The following ZNF528 variants were observed in gnomAD, a reference collection of about 807,000 sequenced individuals.
The protein encoded by ZNF528 is zinc finger protein 528.
In ZNF528, 9 loss-of-function variants were observed where a neutral mutation model predicts 13.3. The observed-to-expected ratio is 0.67, with a 90% confidence interval of 0.41 to 1.18. The LOEUF (loss-of-function observed/expected upper bound fraction) is 1.18, where lower values mean the gene tolerates loss of function less well. ZNF528 is among the 50% of genes most tolerant of loss of function. The pLI, the probability that ZNF528 is intolerant of heterozygous loss-of-function variation, is 0.01. For synonymous variants in ZNF528, 264 were observed against 254.3 expected, an observed-to-expected ratio of 1.04 and a Z score of -0.36; for missense variants, 858 against 745.4, an observed-to-expected ratio of 1.15 and a Z score of -1.76.
Position 52,398,478 on chromosome 19 carries a change from C to T in ZNF528, c.-278C>T, listed in dbSNP as rs1599806505. On this transcript the variant is annotated 5_prime_UTR_variant, in exon 2 of 7. Transcript: ENST00000360465. Reference sequence around the variant, plus strand: ...GTTTCCAGCCCACAGAAAATGAGCTCTTCCGGAAGTGGGCATCTTATTCCA... The same window carrying T: ...GTTTCCAGCCCACAGAAAATGAGCTTTTCCGGAAGTGGGCATCTTATTCCA... The T allele has an allele frequency of 1.4e-6, 1 of 717,424 alleles. No individual in the cohort carries two copies. Among genetic ancestry groups the T allele is most frequent in the Non-Finnish European group, 1.7e-6 (1 of 584,822 alleles). The allele number at this position is 717,424 out of a possible 1,614,324, so 44.4% of individuals were successfully genotyped here.
intron 4 of ZNF528, among the ~76,000 whole-genome samples, chr19:52,404,022 A>G (rs970512833): frequency 2.0e-5 from 3 of 152,086 alleles, no homozygotes; most frequent in African/African-American, 7.2e-5. Flanking sequence ...ACTTGTTTTA[A>G]GTTTACTGAA....
At position 52,406,029 on chromosome 19, in the gene ZNF528, C is replaced by T; in HGVS notation, c.138C>T (p.Ser46=). 1 of 1,609,670 alleles carries T rather than the reference C, an allele frequency of 6.2e-7. No individual in the cohort carries two copies. The highest frequency in any genetic ancestry group is 1.3e-5 in the African/African-American group (1 of 74,886). The change falls in exon 5 of 7, where the codon TCC becomes TCT. Residue 46 remains serine, a synonymous_variant. Coordinates refer to ENST00000360465, the MANE Select transcript of ZNF528 (RefSeq NM_032423.3). ...TGGAGAATTATAGGAACCTGGTCTCCCTGGGTGAGGATAATGTCCCCTCAG... is the reference window on the plus strand; with the variant it reads ...TGGAGAATTATAGGAACCTGGTCTCTCTGGGTGAGGATAATGTCCCCTCAG... ...VMLENYRNLV[S]LGICLPDLSV...
intron 6 of ZNF528, among the ~76,000 whole-genome samples, chr19:52,409,670 A>T (rs2058904753): frequency 1.3e-5 from 2 of 150,270 alleles, no homozygotes; most frequent in Non-Finnish European, 3.0e-5. Context: ...TTTTTATTTT[A>T]GGTTTGCTAA....
chr19:52,415,624 C>T lies in ZNF528; in HGVS notation c.772C>T (p.Gln258Ter), dbSNP rs753112287. The change falls in exon 7 of 7, where the codon CAA becomes TAA. Residue 258 changes from glutamine (Q) to a stop codon, truncating the protein, a stop_gained. Coordinates refer to ENST00000360465, the MANE Select transcript of ZNF528 (RefSeq NM_032423.3). LOFTEE classifies it low-confidence loss of function (END_TRUNC). ...KLFSSNSNLS[Q>*]HQRIHTGEKP... ...CTTCAGTAGCAATTCAAACCTTTCA[C>T]AACATCAAAGAATTCATACTGGAGA... 6.2e-7 allele frequency: 1 copy of T among 1,613,798 alleles called. No homozygotes were observed. The highest frequency in any genetic ancestry group is 2.2e-5 in the East Asian group (1 of 44,840).
Position 52,416,413 on chromosome 19 carries a change from T to C in ZNF528, c.1561T>C (p.Tyr521His). 6.2e-7 allele frequency: 1 copy of C among 1,614,188 alleles called. No individual in the cohort carries two copies. Among genetic ancestry groups the C allele is most frequent in the Non-Finnish European group, 8.5e-7 (1 of 1,180,026 alleles). Reference sequence around the variant, plus strand: ...GAAAATTCATACAGGAGAAAAGCCTTACAAATGTAATCAATGTGGCAAGGT... The same window carrying C: ...GAAAATTCATACAGGAGAAAAGCCTCACAAATGTAATCAATGTGGCAAGGT... ...HQKIHTGEKP[Y>H]KCNQCGKVFN... Residue 521 changes from tyrosine to histidine, a missense_variant, in exon 7 of 7, where the codon TAC (tyrosine) becomes CAC (histidine). Physicochemically the swap from Tyr to His is moderately conservative, Grantham distance 83. Coordinates refer to ENST00000360465, the MANE Select transcript of ZNF528 (RefSeq NM_032423.3).
At chr19:52,398,689 G>A (rs933441652) in intron 2 of ZNF528, 70 bp downstream of exon 2, 20 of 850,744 alleles carry the variant, frequency 2.4e-5, no homozygotes, top group Non-Finnish European at 2.7e-5. Flanking sequence ...AAAAGTAACT[G>A]TAAAAATATA....
At chr19:52,402,242 C>A (rs146018816) in intron 4 of ZNF528, among the ~76,000 whole-genome samples, 1 of 151,974 alleles carries the variant, frequency 6.6e-6, no homozygotes, top group African/African-American at 2.4e-5. Flanking sequence ...GGGCATGGTC[C>A]GGGGGAGGGC....
At chr19:52,405,867 G>A (rs374660359) in intron 4 of ZNF528, 40 bp from the exon 5 acceptor site, 32 of 1,601,238 alleles carry the variant, frequency 2.0e-5, no homozygotes, top group Non-Finnish European at 2.5e-5. Context: ...GATGAGTACT[G>A]TGTGCATACC....
chr19:52,411,794 A>C (rs1026814598), intron 6 of ZNF528: 2 of 152,208 alleles, frequency 1.3e-5, no homozygotes, highest in Admixed American at 6.5e-5. Context: ...CAACATTTCA[A>C]ATCCTGGGTT....
chr19:52,403,918 T>C (rs1450109045), intron 4 of ZNF528, among the ~76,000 whole-genome samples: 2 of 152,148 alleles, frequency 1.3e-5, no homozygotes, highest in Non-Finnish European at 2.9e-5. Context: ...AGCTGATAGC[T>C]ATAAGAATAA....
In ZNF528 at chr19:52,415,570, C is replaced by G. The variant is rs755512187; in HGVS notation, c.718C>G (p.Pro240Ala). The G allele has an allele frequency of 1.2e-6, 2 of 1,614,152 alleles. No homozygotes were observed. The highest frequency in any genetic ancestry group is 8.5e-7 in the Non-Finnish European group (1 of 1,180,034). The change falls in exon 7 of 7, where the codon CCT (proline) becomes GCT (alanine). Residue 240 changes from proline (P) to alanine (A), a missense_variant. Coordinates refer to ENST00000360465, the MANE Select transcript of ZNF528 (RefSeq NM_032423.3). ...TCGAAGAATGCATACTGGAGAGAAGCCTTACAAATGTCATGAATGTGGCAA... is the reference window on the plus strand; with the variant it reads ...TCGAAGAATGCATACTGGAGAGAAGGCTTACAAATGTCATGAATGTGGCAA... The part of the protein sequence containing the change: ...IHRRMHTGEK[P>A]YKCHECGKLF...
chr19:52,399,065 C>T (rs2058761495), intron 2 of ZNF528, among the ~76,000 whole-genome samples: 1 of 151,320 alleles, frequency 6.6e-6, no homozygotes, highest in East Asian at 1.9e-4. Context: ...TGGATCAGAA[C>T]AGGTGGGAGA....
At chr19:52,410,454 G>T (rs772156889) in intron 6 of ZNF528, among the ~76,000 whole-genome samples, 1 of 152,186 alleles carries the variant, frequency 6.6e-6, no homozygotes, top group African/African-American at 2.4e-5. Context: ...TGAGCACAGT[G>T]CCAGGGAATG....
chr19:52,399,892 G>A (rs73586046), intron 2 of ZNF528, among the ~76,000 whole-genome samples: 12,962 of 152,106 alleles, frequency 0.085, 875 homozygotes, highest in African/African-American at 0.16. Context: ...GTCAGTGTAG[G>A]AACAACCACA....
intron 6 of ZNF528, among the ~76,000 whole-genome samples, chr19:52,409,475 AT>A (rs1433306097): frequency 6.6e-6 from 1 of 151,824 alleles, no homozygotes; most frequent in Non-Finnish European, 1.5e-5. Flanking sequence ...CTTTTCATGC[AT>A]CATTTTCCTG....
intron 2 of ZNF528, among the ~76,000 whole-genome samples, chr19:52,399,085 G>A (rs1190167296): frequency 6.6e-6 from 1 of 152,076 alleles, no homozygotes; most frequent in African/African-American, 2.4e-5. Flanking sequence ...AGAAGGAATA[G>A]AGGGAAGAAT....
rs779820324 is a variant in ZNF528 at position 52,416,417 on chromosome 19, A to C, written c.1565A>C (p.Lys522Thr). 8 of 1,614,100 alleles carry C rather than the reference A, an allele frequency of 5.0e-6. No individual in the cohort carries two copies. The change falls in exon 7 of 7, where the codon AAA becomes ACA. Residue 522 changes from lysine (K) to threonine (T), a missense_variant. Physicochemically the swap from Lys to Thr is moderately conservative, Grantham distance 78. Coordinates refer to ENST00000360465, the MANE Select transcript of ZNF528 (RefSeq NM_032423.3). ...ATTCATACAGGAGAAAAGCCTTACA[A>C]ATGTAATCAATGTGGCAAGGTCTTT... is the stretch of plus-strand genomic sequence containing the variant. ...QKIHTGEKPY[K>T]CNQCGKVFNQ...
intron 2 of ZNF528, among the ~76,000 whole-genome samples, chr19:52,400,686 AT>A (rs1568676524): frequency 6.6e-6 from 1 of 151,816 alleles, no homozygotes; most frequent in African/African-American, 2.4e-5. Flanking sequence ...TGCGTGGCTG[AT>A]TGAAAAAAAA....
At chr19:52,414,084 C>CGTTCGCAG in intron 6 of ZNF528, 2 of 617,234 alleles carry the variant, frequency 3.2e-6, no homozygotes, top group Non-Finnish European at 5.9e-6. Context: ...GAAAACTTCC[C>CGTTCGCAG]GTTCGCAGTA....
Sources: allele counts gnomAD v4.1 joint callset (sites outside exome capture counted in the v4.1 genomes callset), GRCh38; gene constraint gnomAD v4.1.1; transcripts MANE v1.5; gene names NCBI Gene and HGNC (gene_info 2026-07-23, HGNC 2026-07-21).